PCLO: variants seen among roughly 807,000 people sequenced by gnomAD.
The protein encoded by PCLO is protein piccolo.
A neutral mutation model predicts 427.5 loss-of-function variants in PCLO; 82 were observed. That is an observed-to-expected ratio of 0.19 (90% CI 0.16 to 0.23). The LOEUF (loss-of-function observed/expected upper bound fraction) is 0.23, where lower values mean the gene tolerates loss of function less well. Among genes scored for constraint, PCLO ranks in the 10% least tolerant of loss-of-function variants. The probability of loss-of-function intolerance (pLI) is 1.00; values close to 1 mark genes in which losing one functional copy is unlikely to be tolerated. For missense variants in PCLO, 6,239 were observed against 6,115.9 expected, an observed-to-expected ratio of 1.02 and a Z score of -0.67; for synonymous variants, 2,357 against 2,155.4, an observed-to-expected ratio of 1.09 and a Z score of -2.59.
rs574417295 is a variant in PCLO at position 83,002,806 on chromosome 7, G to A, written c.3301-36319C>T. Reference sequence around the variant, plus strand: ...CAGCCATTCATTCATTCATTTACTCGTAAATATTTACTATGCAAATAATAT... The same window carrying A: ...CAGCCATTCATTCATTCATTTACTCATAAATATTTACTATGCAAATAATAT... On this transcript the variant is annotated intron_variant, in intron 3 of 24. Coordinates refer to ENST00000333891, the MANE Select transcript of PCLO (RefSeq NM_033026.6). Among the ~76,000 whole-genome samples the A allele has an allele frequency of 3.0e-4, 46 of 151,838 alleles. 1 individual carries two copies. In the South Asian group the frequency reaches 9.1e-3, roughly 30 times the overall value.
rs201697032 is a variant in PCLO at position 83,089,158 on chromosome 7, T to C, written c.3300+45092A>G. On this transcript the variant is annotated intron_variant, in intron 3 of 24. Transcript: ENST00000333891. ...ATGTTTACATACATACATACATACA[T>C]ACACACATATATGTTTTAAATATTT... Among the ~76,000 whole-genome samples the C allele has an allele frequency of 5.4e-5, 8 of 147,670 alleles. 1 individual carries two copies. The highest frequency in any genetic ancestry group is 1.2e-4 in the Non-Finnish European group (8 of 67,154).
chr7:82,924,025 A>G (rs1404823335), intron 6 of PCLO, among the ~76,000 whole-genome samples: 1 of 152,078 alleles, frequency 6.6e-6, no homozygotes, highest in Non-Finnish European at 1.5e-5. Context: ...AAAGACACTC[A>G]TGCACGTGAT....
At chr7:83,132,840 T>A (rs1241067968) in intron 3 of PCLO, among the ~76,000 whole-genome samples, 1 of 152,064 alleles carries the variant, frequency 6.6e-6, no homozygotes, top group East Asian at 1.9e-4. Flanking sequence ...ACAATTGTAT[T>A]GGGGAAAAAT....
intron 20 of PCLO, among the ~76,000 whole-genome samples, chr7:82,810,187 A>C (rs1791540062): frequency 6.6e-6 from 1 of 151,582 alleles, no homozygotes. Flanking sequence ...AAACACACTA[A>C]GTATAATCTT....
chr7:82,893,680 A>C (rs1793832835), intron 9 of PCLO, among the ~76,000 whole-genome samples: 1 of 152,084 alleles, frequency 6.6e-6, no homozygotes, highest in Non-Finnish European at 1.5e-5. Context: ...TAGGATTCTA[A>C]GAATGTCACA....
At chr7:82,870,992 G>A (rs1269416490) in intron 10 of PCLO, among the ~76,000 whole-genome samples, 1 of 151,864 alleles carries the variant, frequency 6.6e-6, no homozygotes, top group East Asian at 1.9e-4. Context: ...AAAGAGAAAT[G>A]CTCATACACT....
At chr7:83,137,551 C>G (rs1436792840) in intron 2 of PCLO, among the ~76,000 whole-genome samples, 1 of 152,148 alleles carries the variant, frequency 6.6e-6, no homozygotes, top group Non-Finnish European at 1.5e-5. Context: ...CTGCCTCAGC[C>G]TCCCGGGTAG....
In PCLO at chr7:82,954,906, T is replaced by A; in HGVS notation, c.6047A>T (p.Glu2016Val). The A allele has an allele frequency of 1.2e-6, 2 of 1,613,558 alleles. No homozygotes were observed. The highest frequency in any genetic ancestry group is 1.7e-6 in the Non-Finnish European group (2 of 1,179,718). Reference sequence around the variant, plus strand: ...CACAACAGAATGTAAGCTTTCTAACTCATAAAACTCTTTCTGGAGGTCTGT... The same window carrying A: ...CACAACAGAATGTAAGCTTTCTAACACATAAAACTCTTTCTGGAGGTCTGT... ...KITDLQKEFYELESLHSVVPQ... is the reference protein window; with the variant it reads ...KITDLQKEFYVLESLHSVVPQ... The change falls in exon 5 of 25, where the codon GAG (glutamate) becomes GTG (valine). Residue 2016 changes from glutamate (E) to valine (V), a missense_variant. By Grantham distance (121) the Glu-to-Val change is moderately radical (BLOSUM62 -2). Around this residue, in one of 5 missense-constraint regions of PCLO, gnomAD observed 4,677 missense variants for 4,468.4 expected, o/e 1.05. Transcript: ENST00000333891.
chr7:83,036,521 C>T (rs1788799007), intron 3 of PCLO, among the ~76,000 whole-genome samples: 1 of 152,028 alleles, frequency 6.6e-6, no homozygotes, highest in South Asian at 2.1e-4. Context: ...CTTTTGCCTG[C>T]TTTTCTTATC....
intron 22 of PCLO, among the ~76,000 whole-genome samples, chr7:82,789,339 G>A (rs1364707357): frequency 6.6e-6 from 1 of 152,174 alleles, no homozygotes; most frequent in Non-Finnish European, 1.5e-5. Context: ...GCATCAATTA[G>A]AATAACCTAA....
At chr7:82,881,731 A>G (rs191771804) in intron 9 of PCLO, among the ~76,000 whole-genome samples, 1 of 152,214 alleles carries the variant, frequency 6.6e-6, no homozygotes, top group Admixed American at 6.6e-5. Context: ...TGCAGCCTCA[A>G]ACTCATGGGC....
intron 3 of PCLO, among the ~76,000 whole-genome samples, chr7:82,987,138 C>T (rs376601641): frequency 7.3e-4 from 111 of 152,028 alleles, no homozygotes; most frequent in African/African-American, 2.6e-3. Flanking sequence ...TCAATTTCCA[C>T]AGATGGAAAT....
intron 3 of PCLO, among the ~76,000 whole-genome samples, chr7:83,018,282 C>T (rs886166286): frequency 1.3e-5 from 2 of 151,718 alleles, no homozygotes; most frequent in Non-Finnish European, 2.9e-5. Flanking sequence ...AAAATATAAA[C>T]ATATATAAAG....
intron 3 of PCLO, among the ~76,000 whole-genome samples, chr7:83,103,581 T>C (rs540379896): frequency 6.6e-6 from 1 of 152,046 alleles, no homozygotes; most frequent in South Asian, 2.1e-4. Flanking sequence ...ATACTTAAAA[T>C]TAGAATCTCA....
At chr7:82,985,262 T>C (rs1796232894) in intron 3 of PCLO, among the ~76,000 whole-genome samples, 1 of 152,054 alleles carries the variant, frequency 6.6e-6, no homozygotes, top group Non-Finnish European at 1.5e-5. Flanking sequence ...TCTCTGATGT[T>C]CTGTTTTAGT....
At chr7:82,794,451 T>TG (rs1429834120) in intron 22 of PCLO, among the ~76,000 whole-genome samples, 1 of 47,020 alleles carries the variant, frequency 2.1e-5, no homozygotes, top group Non-Finnish European at 5.5e-5. Flanking sequence ...AGTTCATAAA[T>TG]TTTTTTTCTT....
chr7:82,911,145 C>T (rs1311851504), intron 7 of PCLO, among the ~76,000 whole-genome samples: 1 of 152,010 alleles, frequency 6.6e-6, no homozygotes, highest in Non-Finnish European at 1.5e-5. Context: ...CAATTTATTA[C>T]CAATAATTCT....
Position 82,870,751 on chromosome 7 carries a change from C to A in PCLO, c.13654+8586G>T, listed in dbSNP as rs186582780. Among the ~76,000 whole-genome samples the A allele has an allele frequency of 6.6e-3, 994 of 151,690 alleles. 13 individuals are homozygous for A. The highest frequency in any genetic ancestry group is 0.022 in the African/African-American group (922 of 41,480). ...TCAAACAACTTAATAGCAAAAAAAA[C>A]CCCAAATAATTTGATTTAAAAAATG... On this transcript the variant is annotated intron_variant, in intron 10 of 24. Coordinates refer to ENST00000333891, the MANE Select transcript of PCLO (RefSeq NM_033026.6).
rs1198437038 is a variant in PCLO, at chr7:83,155,223, AGTT to A, written c.1415_1417del (p.Gln472del). ...AGGTGGGGGCTTTGCTGGGCCAGGC[AGTT>A]GTGAAGGAGGCTTTGTTGGGCCAGT... On this transcript the variant is annotated inframe_deletion, in exon 2 of 25. Transcript: ENST00000333891. 4 of 1,608,408 alleles carry A rather than the reference AGTT, an allele frequency of 2.5e-6. No homozygotes were observed. In the South Asian group the frequency reaches 4.4e-5, roughly 18 times the overall value.
Sources: allele counts gnomAD v4.1 joint callset (sites outside exome capture counted in the v4.1 genomes callset), GRCh38; gene constraint gnomAD v4.1.1; regional missense constraint gnomAD v4.1.1; transcripts MANE v1.5; gene names NCBI Gene and HGNC (gene_info 2026-07-23, HGNC 2026-07-21).